Variants in KCNAB2 observed in about 807,000 individuals in gnomAD.
The protein encoded by KCNAB2 is potassium voltage-gated channel subfamily A regulatory beta subunit 2.
In KCNAB2, 29 loss-of-function variants were observed where a neutral mutation model predicts 63.6. That is an observed-to-expected ratio of 0.46 (90% CI 0.34 to 0.62). The LOEUF (loss-of-function observed/expected upper bound fraction) is 0.62. Among genes scored for constraint, KCNAB2 ranks in the 20% least tolerant of loss-of-function variants. The pLI, the probability that KCNAB2 is intolerant of heterozygous loss-of-function variation, is 0.01. For synonymous variants in KCNAB2, 222 were observed against 224.2 expected (o/e 0.99, Z 0.09); for missense variants, 359 against 563.9 (o/e 0.64, Z 3.68).
rs1659994240 is a variant in KCNAB2 at position 6,035,824 on chromosome 1, G to A, written c.-53+1030G>A. ...GCCACGAGATGGGTGGAAATCTGAGGGGCTTTGTGGGGATGGAAAAGAATA... is the reference window on the plus strand; with the variant it reads ...GCCACGAGATGGGTGGAAATCTGAGAGGCTTTGTGGGGATGGAAAAGAATA... On this transcript the variant is annotated intron_variant, in intron 1 of 15. Coordinates refer to the KCNAB2 transcript ENST00000164247. The surrounding 1 kb of genome is among the most constrained non-coding windows in gnomAD (Gnocchi z 5.0). 1 of 152,522 alleles carries A rather than the reference G, an allele frequency of 6.6e-6. No homozygotes were observed. The highest frequency in any genetic ancestry group is 6.5e-5 in the Admixed American group (1 of 15,282). The allele number at this position is 152,522 out of a possible 1,614,324, so 9.4% of individuals were successfully genotyped here. A position where few individuals can be genotyped will look rare whatever the true frequency, so the allele number is the denominator to read the frequency against.
intron 1 of KCNAB2, among the ~76,000 whole-genome samples, chr1:6,025,165 C>A (rs1348799345): frequency 1.3e-5 from 2 of 152,190 alleles, no homozygotes; most frequent in Admixed American, 6.5e-5. Context: ...TTTCTACCTC[C>A]CCTAACCACT....
chr1:6,023,695 C>T (rs1272292054), intron 1 of KCNAB2, among the ~76,000 whole-genome samples: 2 of 152,082 alleles, frequency 1.3e-5, no homozygotes, highest in Non-Finnish European at 2.9e-5. Flanking sequence ...ATATTAATTC[C>T]TTATCAGATA....
At chr1:6,090,340 T>G in intron 8 of KCNAB2, 49 bp from the exon 9 acceptor site, 4 of 1,366,830 alleles carry the variant, frequency 2.9e-6, no homozygotes, top group Non-Finnish European at 4.2e-6. Context: ...CAGGTGCCTG[T>G]GGAGATGGAG....
In KCNAB2 at chr1:6,040,613, G is replaced by A. The variant is rs779683151; in HGVS notation, c.45G>A (p.Leu15=). ...CGGGCTCCCCGGCTCGGCTCTCGCT[G>A]CGGCAGACGGGCTCCCCCGGGATGA... Residue 15 remains leucine (L), a synonymous_variant, in exon 2 of 16, where the codon CTG becomes CTA. Transcript: ENST00000164247. The A allele has an allele frequency of 1.9e-6, 3 of 1,613,956 alleles. No homozygotes were observed. In the African/African-American group the frequency reaches 4.0e-5, roughly 22 times the overall value.
At chr1:6,020,723 A>G (rs1455938467) in intron 1 of KCNAB2, among the ~76,000 whole-genome samples, 3 of 152,092 alleles carry the variant, frequency 2.0e-5, no homozygotes, top group African/African-American at 7.2e-5. Context: ...CTGGAGTGCA[A>G]TAGTGCGATC....
Position 6,099,970 on chromosome 1 carries a change from C to T in KCNAB2, c.*1396C>T, listed in dbSNP as rs1295996848. 6.5e-7 allele frequency: 1 copy of T among 1,549,622 alleles called. No individual in the cohort carries two copies. Among genetic ancestry groups the T allele is most frequent in the African/African-American group, 1.4e-5 (1 of 73,156 alleles). On this transcript the variant is annotated 3_prime_UTR_variant, in exon 16 of 16. Coordinates refer to ENST00000378083, the MANE Select transcript of KCNAB2 (RefSeq NM_001199862.2). ...CAAGCAGTACCCAGGCTTTGCAGAC[C>T]ACGCGGGGCAGGGCTCCACTGAAGC... is the stretch of plus-strand genomic sequence containing the variant.
chr1:6,012,037 AAGTGGAGGTGGTG>A (rs1055391292), intron 1 of KCNAB2, among the ~76,000 whole-genome samples: 2 of 149,492 alleles, frequency 1.3e-5, no homozygotes, highest in African/African-American at 2.5e-5. Flanking sequence ...ATGGAGGTGA[AAGTGGAGGTGGTG>A]GGTGGAGGTG....
intron 1 of KCNAB2, among the ~76,000 whole-genome samples, chr1:6,015,884 T>G (rs1243247283): frequency 6.6e-6 from 1 of 152,116 alleles, no homozygotes; most frequent in East Asian, 1.9e-4. Flanking sequence ...TTTGTATTTT[T>G]TTGTAGAGAC....
chr1:5,995,163 C>A (rs571028292), intron 1 of KCNAB2, among the ~76,000 whole-genome samples: 1 of 152,126 alleles, frequency 6.6e-6, no homozygotes, highest in Non-Finnish European at 1.5e-5. Flanking sequence ...CAGCTCGGGG[C>A]GGCAATTCGA....
rs553243766 is a variant in KCNAB2 at position 6,096,942 on chromosome 1, C to A, written c.1069+186C>A. 4.6e-5 allele frequency among the ~76,000 whole-genome samples: 7 copies of A among 152,298 alleles called. No homozygotes were observed. The highest frequency in any genetic ancestry group is 1.7e-4 in the African/African-American group (7 of 41,548). ...AAGGGGCATGGTTGGGACCCCATGC[C>A]TCTAGGGGGATGTCAGGAGTCCCTG... On this transcript the variant is annotated intron_variant, in intron 14 of 15. Transcript: ENST00000378083. This position sits in a 1 kb window ranked among gnomAD's most constrained non-coding sequence, Gnocchi z 5.9.
Position 6,086,814 on chromosome 1 carries a change from T to C in KCNAB2, c.426-653T>C, listed in dbSNP as rs1385543339. Reference sequence around the variant, plus strand: ...CAGAACCCCACTGGCCTGGCCACACTTGGGCTCCCTATGCCTCCCCTCCCT... The same window carrying C: ...CAGAACCCCACTGGCCTGGCCACACCTGGGCTCCCTATGCCTCCCCTCCCT... On this transcript the variant is annotated intron_variant, in intron 6 of 15. Transcript: ENST00000378083. The surrounding 1 kb of genome is among the most constrained non-coding windows in gnomAD (Gnocchi z 4.2). 6.6e-6 allele frequency among the ~76,000 whole-genome samples: 1 copy of C among 152,108 alleles called. No individual in the cohort carries two copies. Among genetic ancestry groups the C allele is most frequent in the Non-Finnish European group, 1.5e-5 (1 of 67,998 alleles).
intron 1 of KCNAB2, among the ~76,000 whole-genome samples, chr1:6,017,152 G>T (rs958326139): frequency 2.0e-5 from 3 of 152,176 alleles, no homozygotes; most frequent in African/African-American, 7.2e-5. Flanking sequence ...GGCAAATAGG[G>T]CTGGGGACGC....
upstream of KCNAB2, among the ~76,000 whole-genome samples, chr1:6,043,862 A>G (rs560389813): frequency 1.3e-5 from 2 of 152,334 alleles, no homozygotes; most frequent in African/African-American, 2.4e-5. Flanking sequence ...ACTCAGTGCC[A>G]CGCAGCAATC....
At chr1:6,094,849 G>T (rs1665487126) in intron 11 of KCNAB2, among the ~76,000 whole-genome samples, 1 of 152,258 alleles carries the variant, frequency 6.6e-6, no homozygotes, top group Non-Finnish European at 1.5e-5. Flanking sequence ...GCACTCTGGG[G>T]TGACAACACC....
chr1:6,021,856 G>T (rs1307607127), intron 1 of KCNAB2, among the ~76,000 whole-genome samples: 1 of 152,050 alleles, frequency 6.6e-6, no homozygotes, highest in African/African-American at 2.4e-5. Context: ...AAGTGCAGTG[G>T]TATTGAGGGT....
chr1:6,077,820 T>C (rs933561892), intron 4 of KCNAB2, among the ~76,000 whole-genome samples: 1 of 152,156 alleles, frequency 6.6e-6, no homozygotes, highest in African/African-American at 2.4e-5. Flanking sequence ...ACTGTCTTTC[T>C]AGAGAGGGCG....
At chr1:6,091,239 T>C in intron 9 of KCNAB2, 24 bp from the exon 10 acceptor site, 3 of 1,521,292 alleles carry the variant, frequency 2.0e-6, no homozygotes, top group Non-Finnish European at 2.6e-6. Flanking sequence ...CTCTGGTCTC[T>C]TTAAATCTTT....
At chr1:6,072,827 C>T in intron 3 of KCNAB2, 29 bp downstream of exon 3, 1 of 1,609,314 alleles carries the variant, frequency 6.2e-7, no homozygotes, top group Non-Finnish European at 8.5e-7. Flanking sequence ...TCCGTCCCAC[C>T]AGGGAAACAG....
rs1483121589 is a variant in KCNAB2, at chr1:6,090,444, C to T, written c.570C>T (p.Ala190=). Residue 190 remains alanine (A), a synonymous_variant, in exon 9 of 16, where the codon GCC becomes GCT. Transcript: ENST00000378083. ...LQLEYVDVVF[A]NRPDPNTPME... ...TGGAGTACGTGGATGTGGTGTTTGC[C>T]AACCGCCCGGACCCCAACACCCCGA... 4 of 1,613,898 alleles carry T rather than the reference C, an allele frequency of 2.5e-6. No homozygotes were observed. The highest frequency in any genetic ancestry group is 3.4e-6 in the Non-Finnish European group (4 of 1,179,960).
Sources: allele counts gnomAD v4.1 joint callset (sites outside exome capture counted in the v4.1 genomes callset), GRCh38; gene constraint gnomAD v4.1.1; non-coding constraint Gnocchi (gnomAD v3.1); transcripts MANE v1.5; gene names NCBI Gene and HGNC (gene_info 2026-07-23, HGNC 2026-07-21).